COL27A1: variants seen among roughly 807,000 people sequenced by gnomAD.
The protein encoded by COL27A1 is collagen alpha-1(XXVII) chain.
COL27A1 carries 106 observed loss-of-function variants against 251.3 expected under a neutral mutation model. The observed-to-expected ratio is 0.42, with a 90% confidence interval of 0.36 to 0.50. COL27A1 has a LOEUF of 0.50. Among genes scored for constraint, COL27A1 ranks in the 20% least tolerant of loss-of-function variants. The pLI is 0.00. For missense variants in COL27A1, 2,325 were observed against 2,522.8 expected, an observed-to-expected ratio of 0.92 and a Z score of 1.68; for synonymous variants, 1,000 against 986.3, an observed-to-expected ratio of 1.01 and a Z score of -0.26.
rs186692543 is a variant in COL27A1 at position 114,288,288 on chromosome 9, A to C, written c.3988-167A>C. 3.0e-3 allele frequency among the ~76,000 whole-genome samples: 461 copies of C among 152,326 alleles called. 3 individuals are homozygous for C. Among genetic ancestry groups the C allele is most frequent in the Non-Finnish European group, 4.7e-3 (323 of 68,028 alleles). ...TGTTCCACAGTCCTGGTTCCACACC[A>C]GCCTGAGTCTGGCTCAGACACACCT... On this transcript the variant is annotated intron_variant, in intron 41 of 60. Coordinates refer to ENST00000356083, the MANE Select transcript of COL27A1 (RefSeq NM_032888.4).
rs1177757729 is a variant in COL27A1 at position 114,312,047 on chromosome 9, G to A, written c.*1352G>A. The A allele has an allele frequency of 2.0e-5, 3 of 152,200 alleles. No homozygotes were observed. Among genetic ancestry groups the A allele is most frequent in the Non-Finnish European group, 2.9e-5 (2 of 68,046 alleles). 9.4% of individuals were successfully genotyped at this position (152,200 alleles called of 1,614,324 possible). A position where few individuals can be genotyped will look rare whatever the true frequency, so the allele number is the denominator to read the frequency against. Reference sequence around the variant, plus strand: ...GTTCGACACCATAGTGACGTTCAGCGTCCTCTGAATTGTGCTACATCAGCG... The same window carrying A: ...GTTCGACACCATAGTGACGTTCAGCATCCTCTGAATTGTGCTACATCAGCG... On this transcript the variant is annotated 3_prime_UTR_variant, in exon 61 of 61. Coordinates refer to ENST00000356083, the MANE Select transcript of COL27A1 (RefSeq NM_032888.4).
chr9:114,200,200 TC>T (rs1829469591), intron 7 of COL27A1, among the ~76,000 whole-genome samples: 1 of 152,136 alleles, frequency 6.6e-6, no homozygotes, highest in African/African-American at 2.4e-5. Context: ...AGAGTTCCTC[TC>T]AAGAAACTTC....
At chr9:114,246,051 CT>C (rs1315069172) in intron 24 of COL27A1, 141 bp downstream of exon 24, 2 of 669,290 alleles carry the variant, frequency 3.0e-6, no homozygotes, top group African/African-American at 1.9e-5. Flanking sequence ...TCCTCTACCC[CT>C]TTCACGAATG....
At chr9:114,257,560 T>C (rs1406569714) in intron 27 of COL27A1, among the ~76,000 whole-genome samples, 1 of 151,914 alleles carries the variant, frequency 6.6e-6, no homozygotes, top group East Asian at 1.9e-4. Context: ...TCACCCTGTC[T>C]CTCTTGCCCC....
chr9:114,168,217 T>A lies in COL27A1; in HGVS notation c.662T>A (p.Val221Glu), dbSNP rs1404385578. The stretch of plus-strand genomic sequence containing the variant: ...CTCTGCCAGTTCAGTATCTACCCTG[T>A]GACGCAGGTCGCTCACAATTACTGT... ...GALCQFSIYP[V>E]TQVAHNYCTH... The change falls in exon 3 of 61, where the codon GTG (valine) becomes GAG (glutamate). Residue 221 changes from valine to glutamate, a missense_variant. Coordinates refer to ENST00000356083, the MANE Select transcript of COL27A1 (RefSeq NM_032888.4). 5.0e-6 allele frequency: 8 copies of A among 1,614,014 alleles called. No homozygotes were observed. Among genetic ancestry groups the A allele is most frequent in the African/African-American group, 1.3e-5 (1 of 75,046 alleles).
chr9:114,260,792 C>T lies in COL27A1; in HGVS notation c.3195+2198C>T, dbSNP rs191308962. 9.6e-3 allele frequency among the ~76,000 whole-genome samples: 1,461 copies of T among 152,288 alleles called. 11 individuals carry two copies. The highest frequency in any genetic ancestry group is 0.02 in the Middle Eastern group (6 of 294). ...GGCCTACGGCAAGTCTCAGCACCCC[C>T]GGTTCCCAGCTGTGGAACCCCAGGC... On this transcript the variant is annotated intron_variant, in intron 28 of 60. Transcript: ENST00000356083.
chr9:114,264,369 G>A lies in COL27A1; in HGVS notation c.3210G>A (p.Pro1070=), dbSNP rs149608372. Residue 1070 remains proline (P), a synonymous_variant, in exon 29 of 61, where the codon CCG becomes CCA. Transcript: ENST00000356083. ...GAKGRRGPRG[P]DGPAGEQGSR... Reference sequence around the variant, plus strand: ...TCCTATTCCAGGGCCCCCGAGGACCGGACGGACCAGCTGGGGAGCAAGGGT... The same window carrying A: ...TCCTATTCCAGGGCCCCCGAGGACCAGACGGACCAGCTGGGGAGCAAGGGT... 1.1e-5 allele frequency: 17 copies of A among 1,596,870 alleles called. No individual in the cohort carries two copies. The highest frequency in any genetic ancestry group is 4.5e-5 in the East Asian group (2 of 44,254).
rs1829958199 is a variant in COL27A1 at position 114,206,233 on chromosome 9, T to G, written c.2224-19T>G. ...GAGCGTCTCCATATGTCCTTGCCCCTCTGTGTTTTGTGTTTCAGGGGTTAC... is the reference window on the plus strand; with the variant it reads ...GAGCGTCTCCATATGTCCTTGCCCCGCTGTGTTTTGTGTTTCAGGGGTTAC... On this transcript the variant is annotated intron_variant, in intron 9 of 60. Coordinates refer to ENST00000356083, the MANE Select transcript of COL27A1 (RefSeq NM_032888.4). 1 of 1,613,902 alleles carries G rather than the reference T, an allele frequency of 6.2e-7. No homozygotes were observed. The highest frequency in any genetic ancestry group is 8.5e-7 in the Non-Finnish European group (1 of 1,179,842).
intron 33 of COL27A1, 131 bp from the exon 34 acceptor site, chr9:114,267,373 T>C (rs1049693927): frequency 1.2e-5 from 8 of 688,818 alleles, no homozygotes; most frequent in Non-Finnish European, 1.9e-5. Flanking sequence ...TACAAGCTGC[T>C]CCCACCTCTG....
At chr9:114,243,662 G>A (rs1832914967) in intron 23 of COL27A1, 102 bp downstream of exon 23, 6 of 987,454 alleles carry the variant, frequency 6.1e-6, no homozygotes, top group African/African-American at 1.6e-5. Context: ...TGTGAAAAGG[G>A]AGAAAAAAAT....
At chr9:114,271,033 A>C in intron 36 of COL27A1, 1 of 493,570 alleles carries the variant, frequency 2.0e-6, no homozygotes, top group Non-Finnish European at 3.5e-6. Context: ...ACCCTTCTTA[A>C]AATATCAGCT....
At chr9:114,231,280 C>T (rs1213228749) in intron 15 of COL27A1, 148 bp downstream of exon 15, 3 of 738,616 alleles carry the variant, frequency 4.1e-6, no homozygotes, top group Non-Finnish European at 6.9e-6. Flanking sequence ...GGAAGCTGGG[C>T]AGGTCAGGAG....
chr9:114,215,199 C>T (rs890302703), intron 12 of COL27A1, among the ~76,000 whole-genome samples: 5 of 152,342 alleles, frequency 3.3e-5, no homozygotes, highest in East Asian at 1.9e-4. Context: ...CCCAAGGCCG[C>T]GCAGTCCTCT....
At chr9:114,191,796 A>C (rs1300564645) in intron 5 of COL27A1, among the ~76,000 whole-genome samples, 4 of 152,224 alleles carry the variant, frequency 2.6e-5, no homozygotes, top group African/African-American at 9.6e-5. Flanking sequence ...TGGACAAGTG[A>C]CTTATTCCTA....
intron 1 of COL27A1, among the ~76,000 whole-genome samples, chr9:114,160,800 A>G (rs901398882): frequency 6.6e-6 from 1 of 152,162 alleles, no homozygotes; most frequent in Non-Finnish European, 1.5e-5. Flanking sequence ...GTAGTGTGGC[A>G]TGTGCAGTGA....
chr9:114,205,913 C>A, intron 9 of COL27A1, 101 bp downstream of exon 9: 1 of 1,071,028 alleles, frequency 9.3e-7, no homozygotes, highest in Non-Finnish European at 1.4e-6. Context: ...GGCCAAGGAG[C>A]TGCACCTGCT....
rs1834676757 is a variant in COL27A1 at position 114,265,480 on chromosome 9, G to A, written c.3393+5G>A. On this transcript the variant is annotated splice_donor_5th_base_variant and intron_variant, in intron 32 of 60. Transcript: ENST00000356083. ...AAGGGCCTCCCAGGAGAACCGGTAAGAGCCCTTTCCTTCCCTCTTCTGCTT... is the reference window on the plus strand; with the variant it reads ...AAGGGCCTCCCAGGAGAACCGGTAAAAGCCCTTTCCTTCCCTCTTCTGCTT... 1 of 1,613,740 alleles carries A rather than the reference G, an allele frequency of 6.2e-7. No homozygotes were observed. The highest frequency in any genetic ancestry group is 1.1e-5 in the South Asian group (1 of 91,060).
At chr9:114,283,801 C>G (rs367988627) in intron 40 of COL27A1, 39 bp downstream of exon 40, 1 of 1,605,630 alleles carries the variant, frequency 6.2e-7, no homozygotes, top group Admixed American at 1.7e-5. Context: ...CCGACTCTGT[C>G]CTGCAGGCCT....
At chr9:114,240,087 G>A in intron 19 of COL27A1, 133 bp from the exon 20 acceptor site, 2 of 793,266 alleles carry the variant, frequency 2.5e-6, no homozygotes, top group Non-Finnish European at 4.4e-6. Flanking sequence ...GGATCAAGGT[G>A]GTTAACTGAC....
Sources: gnomAD v4.1 joint callset for allele counts (sites outside exome capture counted in the v4.1 genomes callset) on GRCh38, gnomAD v4.1.1 for gene constraint, MANE v1.5 for transcripts, NCBI Gene and HGNC (gene_info 2026-07-23, HGNC 2026-07-21) for gene names.